Variants in PAIP1 observed in about 807,000 individuals in gnomAD.
PAIP1 encodes poly(A) binding protein interacting protein 1.
PAIP1 carries 16 observed loss-of-function variants against 61.3 expected under a neutral mutation model. The ratio of observed to expected loss-of-function variants is 0.26; its 90% CI spans 0.18 to 0.40. The LOEUF (loss-of-function observed/expected upper bound fraction) is 0.40, where lower values mean the gene tolerates loss of function less well. Ranked by LOEUF, PAIP1 falls within the 10% of genes least tolerant of loss-of-function variation. The pLI is 1.00. For synonymous variants in PAIP1, 187 were observed against 226.2 expected (o/e 0.83, Z 1.56); for missense variants, 416 against 600.9 (o/e 0.69, Z 3.22).
chr5:43,528,773 T>G (rs1279002337), intron 10 of PAIP1, among the ~76,000 whole-genome samples: 1 of 152,068 alleles, frequency 6.6e-6, no homozygotes, highest in Non-Finnish European at 1.5e-5. Context: ...TATAATTTAT[T>G]CCCTCCCATC....
At chr5:43,528,600 AT>A (rs375452804) in intron 10 of PAIP1, among the ~76,000 whole-genome samples, 1 of 151,916 alleles carries the variant, frequency 6.6e-6, no homozygotes, top group Non-Finnish European at 1.5e-5. Context: ...AAATCCCTGT[AT>A]TTTTTTTGTT....
chr5:43,549,727 T>A (rs1405739708), intron 2 of PAIP1, among the ~76,000 whole-genome samples: 1 of 151,458 alleles, frequency 6.6e-6, no homozygotes, highest in Non-Finnish European at 1.5e-5. Flanking sequence ...TTATTTTTTA[T>A]TTTTATTTTT....
chr5:43,551,705 C>A (rs1175227968), intron 2 of PAIP1, among the ~76,000 whole-genome samples: 2 of 149,732 alleles, frequency 1.3e-5, no homozygotes, highest in East Asian at 1.9e-4. Flanking sequence ...AAATGTCATT[C>A]TTCGTGGCAA....
Position 43,527,642 on chromosome 5 carries a change from TG to T in PAIP1, c.1347-174del, listed in dbSNP as rs1449832717. 3.3e-5 allele frequency among the ~76,000 whole-genome samples: 5 copies of T among 152,296 alleles called. 1 individual carries two copies. Among genetic ancestry groups the T allele is most frequent in the African/African-American group, 9.6e-5 (4 of 41,566 alleles). On this transcript the variant is annotated intron_variant, in intron 10 of 10. Coordinates refer to ENST00000306846, the MANE Select transcript of PAIP1 (RefSeq NM_006451.5). ...TCTTCGGACAACCAAATGCTTAATT[TG>T]GTAAGTAAAATTTTACAGATTCTGA...
chr5:43,554,198 G>A (rs1260301682), intron 2 of PAIP1, among the ~76,000 whole-genome samples: 5 of 152,116 alleles, frequency 3.3e-5, no homozygotes, highest in African/African-American at 7.2e-5. Context: ...GTTGATACAC[G>A]ATTATTACAT....
At chr5:43,528,722 T>A (rs560852453) in intron 10 of PAIP1, among the ~76,000 whole-genome samples, 3 of 151,782 alleles carry the variant, frequency 2.0e-5, no homozygotes, top group African/African-American at 7.3e-5. Context: ...TTTAAAAAAA[T>A]CTACAACACA....
intron 9 of PAIP1, among the ~76,000 whole-genome samples, chr5:43,530,922 A>G (rs1746904925): frequency 1.3e-5 from 2 of 152,172 alleles, no homozygotes; most frequent in Admixed American, 1.3e-4. Flanking sequence ...CCCCATGTGA[A>G]ACAGGAAAAT....
intron 9 of PAIP1, among the ~76,000 whole-genome samples, chr5:43,533,361 C>T: frequency 6.6e-6 from 1 of 152,186 alleles, no homozygotes; most frequent in Non-Finnish European, 1.5e-5. Context: ...AAAGTATTAA[C>T]CCATATTAAT....
chr5:43,534,226 T>A (rs1747056136), intron 8 of PAIP1, among the ~76,000 whole-genome samples: 1 of 151,622 alleles, frequency 6.6e-6, no homozygotes, highest in Non-Finnish European at 1.5e-5. Flanking sequence ...TGAGACAGAG[T>A]TGTGCTCTTG....
chr5:43,549,368 T>A (rs1050941752), intron 2 of PAIP1, among the ~76,000 whole-genome samples: 5 of 152,182 alleles, frequency 3.3e-5, no homozygotes, highest in Non-Finnish European at 1.5e-5. Flanking sequence ...TTCCCATGTG[T>A]TGTGGGAGGG....
intron 8 of PAIP1, 104 bp from the exon 9 acceptor site, chr5:43,533,896 G>C (rs1330779586): frequency 4.3e-6 from 3 of 705,792 alleles, no homozygotes; most frequent in Admixed American, 2.2e-5. Flanking sequence ...ACCTAATAAT[G>C]CAAGAACAAG....
chr5:43,536,587 G>A (rs954676992), intron 6 of PAIP1, among the ~76,000 whole-genome samples: 2 of 152,092 alleles, frequency 1.3e-5, no homozygotes, highest in African/African-American at 4.8e-5. Context: ...GAAGAAGACA[G>A]AATTTGCAAA....
chr5:43,534,750 GT>G, intron 8 of PAIP1, 102 bp downstream of exon 8: 1 of 705,234 alleles, frequency 1.4e-6, no homozygotes, highest in Non-Finnish European at 2.6e-6. Flanking sequence ...AGTGAAGACA[GT>G]TATTAGGCAC....
chr5:43,548,946 T>A (rs76269107), intron 2 of PAIP1, among the ~76,000 whole-genome samples: 2,120 of 152,088 alleles, frequency 0.014, 50 homozygotes, highest in African/African-American at 0.049. Flanking sequence ...AGAAAGACAG[T>A]CTTTTTTTTT....
At chr5:43,543,394 A>AT (rs1747499138) in intron 3 of PAIP1, among the ~76,000 whole-genome samples, 1 of 151,798 alleles carries the variant, frequency 6.6e-6, no homozygotes, top group Non-Finnish European at 1.5e-5. Flanking sequence ...ATGCTAACCC[A>AT]TTTTTTGCAG....
In PAIP1 at chr5:43,527,221, G is replaced by A; in HGVS notation, c.*155C>T. 2 of 455,924 alleles carry A rather than the reference G, an allele frequency of 4.4e-6. No homozygotes were observed. Among genetic ancestry groups the A allele is most frequent in the Non-Finnish European group, 7.6e-6 (2 of 261,854 alleles). 28.2% of individuals were successfully genotyped at this position (455,924 alleles called of 1,614,324 possible). A position where few individuals can be genotyped will look rare whatever the true frequency, so the allele number is the denominator to read the frequency against. ...GTTATAGGGAATAAAGTTTATTTTG[G>A]CAGATAGTGTTAAACAAAATTAAAG... is the stretch of plus-strand genomic sequence containing the variant. On this transcript the variant is annotated 3_prime_UTR_variant, in exon 11 of 11. Transcript: ENST00000306846.
At chr5:43,554,765 A>G (rs113781420) in intron 2 of PAIP1, among the ~76,000 whole-genome samples, 6 of 152,264 alleles carry the variant, frequency 3.9e-5, no homozygotes, top group African/African-American at 1.4e-4. Flanking sequence ...TCTCTGGAAA[A>G]CTACTTGGCA....
intron 3 of PAIP1, among the ~76,000 whole-genome samples, chr5:43,543,588 GTTAGACT>G (rs1468211690): frequency 6.6e-6 from 1 of 151,940 alleles, no homozygotes; most frequent in Non-Finnish European, 1.5e-5. Context: ...CTGAGCTTCA[GTTAGACT>G]TTAAAGAGGT....
chr5:43,536,687 G>A (rs956247931), intron 6 of PAIP1, 132 bp downstream of exon 6: 18 of 476,738 alleles, frequency 3.8e-5, no homozygotes, highest in Non-Finnish European at 3.7e-6. Context: ...CAAAATATTC[G>A]AGAAAAAAGT....
Sources: allele counts gnomAD v4.1 joint callset (sites outside exome capture counted in the v4.1 genomes callset), GRCh38; gene constraint gnomAD v4.1.1; transcripts MANE v1.5; gene names NCBI Gene and HGNC (gene_info 2026-07-23, HGNC 2026-07-21).